The following DST variants were observed in gnomAD, a reference collection of about 807,000 sequenced individuals.
DST encodes the protein dystonin, also known as bullous pemphigoid antigen.
DST carries 253 observed loss-of-function variants against 875.2 expected under a neutral mutation model. That is an observed-to-expected ratio of 0.29 (90% confidence interval 0.26 to 0.32). The LOEUF is 0.32. DST is among the 10% of genes least tolerant of loss of function. DST has a pLI of 1.00. For missense variants in DST, 8,287 were observed against 9,111.6 expected, an observed-to-expected ratio of 0.91 and a Z score of 3.68; for synonymous variants, 3,124 against 3,197.1, an observed-to-expected ratio of 0.98 and a Z score of 0.77.
rs1334440176 is a variant in DST, at chr6:56,506,648, A to G, written c.19362+19T>C. 1 of 1,613,132 alleles carries G rather than the reference A, an allele frequency of 6.2e-7. No homozygotes were observed. The highest frequency in any genetic ancestry group is 8.5e-7 in the Non-Finnish European group (1 of 1,179,502). On this transcript the variant is annotated intron_variant, in intron 76 of 103. Transcript: ENST00000680361. The stretch of plus-strand genomic sequence containing the variant: ...TAAAAACTTTTTAAAAGCCATTCTG[A>G]TAAGTAAGCCAGTTGTACCTCATCT...
intron 4 of DST, among the ~76,000 whole-genome samples, chr6:56,791,778 A>G (rs922864544): frequency 3.4e-5 from 5 of 146,052 alleles, no homozygotes; most frequent in African/African-American, 1.3e-4. Context: ...ACAGAGTGAG[A>G]CCCTGTCTCA....
intron 3 of DST, chr6:56,871,331 T>C (rs1311836469): frequency 3.6e-5 from 34 of 940,914 alleles, no homozygotes; most frequent in Non-Finnish European, 5.8e-5. Flanking sequence ...CCACGAAGTA[T>C]CTGAAAGATG....
intron 95 of DST, 120 bp from the exon 96 acceptor site, chr6:56,470,402 T>C: frequency 1.6e-5 from 12 of 771,294 alleles, no homozygotes; most frequent in Non-Finnish European, 2.3e-5. Flanking sequence ...TATATTAAAA[T>C]CCTTTTTTAA....
intron 3 of DST, among the ~76,000 whole-genome samples, chr6:56,869,705 AT>A (rs919575187): frequency 3.3e-5 from 5 of 151,726 alleles, no homozygotes; most frequent in Non-Finnish European, 5.9e-5. Flanking sequence ...ATTTTTATTT[AT>A]TTTTTTGAGA....
chr6:56,892,075 C>G (rs1234806135), intron 3 of DST, among the ~76,000 whole-genome samples: 1 of 152,134 alleles, frequency 6.6e-6, no homozygotes, highest in Non-Finnish European at 1.5e-5. Flanking sequence ...CCTGATGTAC[C>G]CTGCACATGT....
intron 4 of DST, among the ~76,000 whole-genome samples, chr6:56,849,285 C>T (rs774439850): frequency 3.3e-5 from 5 of 151,780 alleles, no homozygotes; most frequent in Admixed American, 6.6e-5. Flanking sequence ...TACAGGCACA[C>T]GCCACCACGC....
chr6:56,875,146 G>A (rs1779104941), intron 3 of DST, among the ~76,000 whole-genome samples: 1 of 152,090 alleles, frequency 6.6e-6, no homozygotes, highest in South Asian at 2.1e-4. Context: ...ACCACGCCCG[G>A]CTAATTTTTT....
At position 56,512,767 on chromosome 6, in the gene DST, G is replaced by A. The variant is rs557683964; in HGVS notation, c.18577-1367C>T. Among the ~76,000 whole-genome samples, 16 of 152,250 alleles carry A rather than the reference G, an allele frequency of 1.1e-4. No homozygotes were observed. In the South Asian group the frequency reaches 3.1e-3, roughly 30 times the overall value. On this transcript the variant is annotated intron_variant, in intron 72 of 103. Coordinates refer to ENST00000680361, the MANE Select transcript of DST (RefSeq NM_001374736.1). ...TTAACTATCACCAATGTAATAAAAT[G>A]TTTTTGAAGGTTTTCAAAAGACTGC...
chr6:56,475,623 T>C (rs1237057425), intron 92 of DST, among the ~76,000 whole-genome samples: 1 of 152,202 alleles, frequency 6.6e-6, no homozygotes, highest in African/African-American at 2.4e-5. Context: ...ACGTTCCCTT[T>C]TTCATATGAT....
chr6:56,891,515 G>A (rs1015423846), intron 3 of DST, among the ~76,000 whole-genome samples: 2 of 148,544 alleles, frequency 1.3e-5, no homozygotes, highest in African/African-American at 2.5e-5. Flanking sequence ...GCAGTGAGCC[G>A]AGATTGAGCC....
chr6:56,912,066 TA>T (rs966586794), intron 2 of DST, among the ~76,000 whole-genome samples: 13 of 152,210 alleles, frequency 8.5e-5, no homozygotes, highest in Non-Finnish European at 1.9e-4. Flanking sequence ...AGATGGGGTT[TA>T]AAGTGACTCC....
chr6:56,517,275 C>G lies in DST; in HGVS notation c.18280G>C (p.Asp6094His), dbSNP rs779881635. 1.2e-6 allele frequency: 2 copies of G among 1,612,836 alleles called. No individual in the cohort carries two copies. Among genetic ancestry groups the G allele is most frequent in the Non-Finnish European group, 1.7e-6 (2 of 1,179,516 alleles). The change falls in exon 71 of 104, where the codon GAT (aspartate) becomes CAT (histidine). Residue 6094 changes from aspartate to histidine, a missense_variant. Asp to His is a moderately conservative substitution (Grantham distance 81, BLOSUM62 -1). Coordinates refer to ENST00000680361, the MANE Select transcript of DST (RefSeq NM_001374736.1). ...TFTMEILRHK[D>H]IIDDLVKSGH... is the part of the protein sequence containing the mutation. ...GATTTAACAAGGTCATCAATAATAT[C>G]CTTGTGTCTCAAAATCTCCATGGTG...
At chr6:56,874,932 C>T (rs959553685) in intron 3 of DST, among the ~76,000 whole-genome samples, 12 of 152,208 alleles carry the variant, frequency 7.9e-5, no homozygotes, top group Non-Finnish European at 1.5e-4. Context: ...ACATAACCTT[C>T]TAACAACTCC....
intron 10 of DST, among the ~76,000 whole-genome samples, chr6:56,668,688 A>C (rs1019422162): frequency 6.6e-6 from 1 of 152,084 alleles, no homozygotes; most frequent in Non-Finnish European, 1.5e-5. Context: ...GAATCACTTG[A>C]ACCTGGGAGG....
chr6:56,516,963 T>G (rs562869433), intron 71 of DST, among the ~76,000 whole-genome samples: 1 of 152,168 alleles, frequency 6.6e-6, no homozygotes, highest in Non-Finnish European at 1.5e-5. Flanking sequence ...AACCAAGGTC[T>G]CAAACCTTAA....
At chr6:56,950,948 A>G (rs1473616722) in intron 2 of DST, among the ~76,000 whole-genome samples, 1 of 152,228 alleles carries the variant, frequency 6.6e-6, no homozygotes, top group Non-Finnish European at 1.5e-5. Context: ...TGTTTATTAT[A>G]TACTTAGTGA....
At position 56,616,561 on chromosome 6, in the gene DST, A is replaced by C. The variant is rs775286129; in HGVS notation, c.4930-2077T>G. 1.9e-6 allele frequency: 3 copies of C among 1,614,078 alleles called. No individual in the cohort carries two copies. Among genetic ancestry groups the C allele is most frequent in the African/African-American group, 1.3e-5 (1 of 74,936 alleles). Reference sequence around the variant, plus strand: ...CACACATTCGCAGTAATTCTGAGTAATACAGAGCTTGCTTGTTATTGGGAT... The same window carrying C: ...CACACATTCGCAGTAATTCTGAGTACTACAGAGCTTGCTTGTTATTGGGAT... On this transcript the variant is annotated intron_variant, in intron 36 of 103. Coordinates refer to ENST00000680361, the MANE Select transcript of DST (RefSeq NM_001374736.1).
intron 49 of DST, among the ~76,000 whole-genome samples, chr6:56,583,417 T>G (rs1317692708): frequency 1.3e-5 from 2 of 152,220 alleles, no homozygotes; most frequent in African/African-American, 4.8e-5. Context: ...TCTGTTCATA[T>G]CCTTTGCCCA....
chr6:56,802,157 T>A (rs975359016), intron 4 of DST, among the ~76,000 whole-genome samples: 7 of 152,172 alleles, frequency 4.6e-5, no homozygotes, highest in Non-Finnish European at 5.9e-5. Context: ...AATTTTTATA[T>A]TTAAGGAATA....
Sources: allele counts gnomAD v4.1 joint callset (sites outside exome capture counted in the v4.1 genomes callset), GRCh38; gene constraint gnomAD v4.1.1; transcripts MANE v1.5; gene names NCBI Gene and HGNC (gene_info 2026-07-23, HGNC 2026-07-21).